The following RCBTB2 variants were observed in gnomAD, a reference collection of about 807,000 sequenced individuals.
RCBTB2 encodes RCC1 and BTB domain-containing protein 2.
Under a neutral mutation model 65.4 loss-of-function variants are expected in RCBTB2, and 55 were observed. The ratio of observed to expected loss-of-function variants is 0.84; its 90% CI spans 0.68 to 1.05. The LOEUF is 1.05. RCBTB2 is among the 50% of genes least tolerant of loss of function. The pLI, the probability that RCBTB2 is intolerant of heterozygous loss-of-function variation, is 0.00. For synonymous variants in RCBTB2, 220 were observed against 255.2 expected (o/e 0.86, Z 1.31); for missense variants, 599 against 680.1 (o/e 0.88, Z 1.33).
At chr13:48,496,463 C>G in intron 13 of RCBTB2, 142 bp from the exon 14 acceptor site, 1 of 746,624 alleles carries the variant, frequency 1.3e-6, no homozygotes, top group Non-Finnish European at 1.9e-6. Context: ...TGCTGACTGA[C>G]ACTTACACTT....
chr13:48,512,705 G>A (rs1296998991), intron 7 of RCBTB2, 24 bp downstream of exon 7: 1 of 1,596,456 alleles, frequency 6.3e-7, no homozygotes, highest in Non-Finnish European at 8.6e-7. Context: ...AAAAATCAAT[G>A]AGCTTTATGC....
intron 1 of RCBTB2, among the ~76,000 whole-genome samples, chr13:48,528,131 G>A (rs57026972): frequency 1.9e-4 from 29 of 152,218 alleles, no homozygotes; most frequent in Non-Finnish European, 4.1e-4. Flanking sequence ...AAATACATGA[G>A]AGCAAACAGA....
chr13:48,529,770 T>C (rs947482585), intron 1 of RCBTB2, among the ~76,000 whole-genome samples: 4 of 152,208 alleles, frequency 2.6e-5, no homozygotes, highest in African/African-American at 9.6e-5. Context: ...TCCTTTGAAG[T>C]AAAATCTCCA....
At chr13:48,508,692 C>T (rs1950627078) in intron 10 of RCBTB2, among the ~76,000 whole-genome samples, 1 of 152,230 alleles carries the variant, frequency 6.6e-6, no homozygotes, top group African/African-American at 2.4e-5. Flanking sequence ...GCGTGAGTGC[C>T]TGGCCCATCC....
intron 14 of RCBTB2, among the ~76,000 whole-genome samples, chr13:48,493,022 T>G (rs1949766141): frequency 6.6e-6 from 1 of 152,152 alleles, no homozygotes; most frequent in Non-Finnish European, 1.5e-5. Context: ...TAGATGCCAC[T>G]TTCATCCTTA....
upstream of RCBTB2, among the ~76,000 whole-genome samples, chr13:48,533,752 T>A (rs753188321): frequency 6.6e-6 from 1 of 152,244 alleles, no homozygotes; most frequent in Non-Finnish European, 1.5e-5. Flanking sequence ...TTAAGTAAAA[T>A]GCACCACAAC....
Position 48,512,728 on chromosome 13 carries a change from C to T in RCBTB2, c.516+1G>A. ...ATGAGCTTTATGCTGACTGTTCTCA[C>T]CTCTCCATCAGATGTTAGCACCAAA... On this transcript the variant is annotated splice_donor_variant, in intron 7 of 14. Transcript: ENST00000344532. LOFTEE classifies it high-confidence loss of function. The T allele has an allele frequency of 1.2e-6, 2 of 1,613,450 alleles. No homozygotes were observed. The highest frequency in any genetic ancestry group is 1.7e-6 in the Non-Finnish European group (2 of 1,179,492).
At chr13:48,503,998 T>C (rs911930074) in intron 10 of RCBTB2, among the ~76,000 whole-genome samples, 1 of 152,226 alleles carries the variant, frequency 6.6e-6, no homozygotes, top group African/African-American at 2.4e-5. Flanking sequence ...CAGCAGACAA[T>C]GGTACCAGCA....
At position 48,512,889 on chromosome 13, in the gene RCBTB2, TCTC is replaced by T. The variant is rs1458988126; in HGVS notation, c.353_355del (p.Gly118del). ...AGCATTATGACCCCAGGTAAAGACT[TCTC>T]CTTCTGAAAATAAAAAGAAAGACAA... On this transcript the variant is annotated inframe_deletion, in exon 7 of 15. Coordinates refer to ENST00000344532, the MANE Select transcript of RCBTB2 (RefSeq NM_001268.4). 3 of 1,602,640 alleles carry T rather than the reference TCTC, an allele frequency of 1.9e-6. No homozygotes were observed. The highest frequency in any genetic ancestry group is 1.7e-5 in the Admixed American group (1 of 57,616).
intron 4 of RCBTB2, among the ~76,000 whole-genome samples, chr13:48,521,404 T>C (rs1443206324): frequency 6.6e-6 from 1 of 152,230 alleles, no homozygotes; most frequent in Non-Finnish European, 1.5e-5. Context: ...GAAATCAATA[T>C]GCGTGCAGGA....
chr13:48,513,969 G>A (rs1030807268), intron 6 of RCBTB2, among the ~76,000 whole-genome samples: 1 of 152,152 alleles, frequency 6.6e-6, no homozygotes, highest in Non-Finnish European at 1.5e-5. Flanking sequence ...GGCATAGTAA[G>A]AGATTAACAA....
chr13:48,531,681 T>C (rs529574325), intron 1 of RCBTB2, among the ~76,000 whole-genome samples: 1 of 152,348 alleles, frequency 6.6e-6, no homozygotes, highest in East Asian at 1.9e-4. Flanking sequence ...TGCTTTTACC[T>C]GCTGCTTAAT....
In RCBTB2 at chr13:48,502,694, C is replaced by G. The variant is rs564435657; in HGVS notation, c.1117+30G>C. 3.2e-6 allele frequency: 5 copies of G among 1,571,802 alleles called. No individual in the cohort carries two copies. The African/African-American group carries it at 6.8e-5, about 21-fold the overall frequency. On this transcript the variant is annotated intron_variant, in intron 11 of 14. Transcript: ENST00000344532. ...TGAGCTCTTTCCCAGATTTTCAGGC[C>G]ATCCCCCAAATGGACAGTGACCAGC...
chr13:48,495,572 C>T (rs947890656), intron 14 of RCBTB2, among the ~76,000 whole-genome samples: 4 of 152,176 alleles, frequency 2.6e-5, no homozygotes, highest in African/African-American at 7.2e-5. Context: ...ATGATTAATT[C>T]CTCAAGATAA....
intron 1 of RCBTB2, among the ~76,000 whole-genome samples, chr13:48,527,371 T>TATATATATG (rs1566337744): frequency 7.2e-6 from 1 of 138,734 alleles, no homozygotes; most frequent in African/African-American, 3.0e-5. Context: ...TTATATATGA[T>TATATATATG]ATATATATAT....
intron 1 of RCBTB2, among the ~76,000 whole-genome samples, chr13:48,528,332 T>C (rs763511519): frequency 1.3e-5 from 2 of 152,148 alleles, no homozygotes; most frequent in Non-Finnish European, 1.5e-5. Flanking sequence ...GAAGTCCCAG[T>C]ATTACATATT....
At chr13:48,534,051 T>G (rs149152195), upstream of RCBTB2, among the ~76,000 whole-genome samples, 1 of 152,344 alleles carries the variant, frequency 6.6e-6, no homozygotes, top group Non-Finnish European at 1.5e-5. Flanking sequence ...ATAACTGCCT[T>G]TCTGCTACAT....
rs1275901723 is a variant in RCBTB2, at chr13:48,512,177, G to A, written c.517-3C>T. Reference sequence around the variant, plus strand: ...TTATTATAACCCCAGGCAAATACCTGTTTAAAGGAAAGATCAGTAAATGAA... The same window carrying A: ...TTATTATAACCCCAGGCAAATACCTATTTAAAGGAAAGATCAGTAAATGAA... On this transcript the variant is annotated splice_region_variant and splice_polypyrimidine_tract_variant and intron_variant, in intron 7 of 14. Transcript: ENST00000344532. The A allele has an allele frequency of 6.2e-7, 1 of 1,609,550 alleles. No individual in the cohort carries two copies. The highest frequency in any genetic ancestry group is 8.5e-7 in the Non-Finnish European group (1 of 1,176,340).
upstream of RCBTB2, chr13:48,535,839 C>A: frequency 4.5e-6 from 2 of 442,314 alleles, no homozygotes; most frequent in Non-Finnish European, 9.1e-6. Context: ...CATTGGCATA[C>A]CCAGAGTTTG....
Sources: allele counts gnomAD v4.1 joint callset (sites outside exome capture counted in the v4.1 genomes callset), GRCh38; gene constraint gnomAD v4.1.1; transcripts MANE v1.5; gene names NCBI Gene and HGNC (gene_info 2026-07-23, HGNC 2026-07-21).